Variants in RREB1 observed in about 807,000 individuals in gnomAD.
RREB1 encodes ras responsive element binding protein 1.
RREB1 carries 27 observed loss-of-function variants against 117.8 expected under a neutral mutation model. The observed-to-expected ratio is 0.23, with a 90% confidence interval of 0.17 to 0.32. The LOEUF is 0.32. Ranked by LOEUF, RREB1 falls within the 10% of genes least tolerant of loss-of-function variation. The pLI is 1.00. For synonymous variants in RREB1, 1,298 were observed against 1,026.7 expected (o/e 1.26, Z -5.05); for missense variants, 2,577 against 2,378.2 (o/e 1.08, Z -1.74).
chr6:7,126,242 C>T lies in RREB1; in HGVS notation c.-285+18182C>T, dbSNP rs570012379. ...GCCTTGAACTGCTGACCTCGTGATC[C>T]GCCCGCCTTGGCCTCCCAAAGTGCT... is the stretch of plus-strand genomic sequence containing the variant. On this transcript the variant is annotated intron_variant, in intron 1 of 12. Coordinates refer to ENST00000379938, the MANE Select transcript of RREB1 (RefSeq NM_001003699.4). 7.3e-5 allele frequency among the ~76,000 whole-genome samples: 11 copies of T among 151,586 alleles called. No homozygotes were observed. The South Asian group carries it at 8.3e-4, about 11-fold the overall frequency.
chr6:7,129,493 C>T (rs1762067370), intron 1 of RREB1, among the ~76,000 whole-genome samples: 2 of 152,214 alleles, frequency 1.3e-5, no homozygotes, highest in Admixed American at 6.5e-5. Flanking sequence ...TGGCTCACTT[C>T]ACTGTTTGCT....
chr6:7,109,609 C>T (rs1236564459), intron 1 of RREB1, among the ~76,000 whole-genome samples: 2 of 152,222 alleles, frequency 1.3e-5, no homozygotes, highest in East Asian at 1.9e-4. Context: ...GCCCCTCGGC[C>T]GCCGTGCATC....
At chr6:7,129,126 T>G (rs1247533280) in intron 1 of RREB1, among the ~76,000 whole-genome samples, 1 of 152,216 alleles carries the variant, frequency 6.6e-6, no homozygotes, top group African/African-American at 2.4e-5. Context: ...GGAATTCTTA[T>G]GCCATGTGGA....
At chr6:7,247,672 G>T (rs1230468450) in intron 12 of RREB1, among the ~76,000 whole-genome samples, 1 of 152,140 alleles carries the variant, frequency 6.6e-6, no homozygotes. Context: ...GGTCAGGAGG[G>T]CCTTTTCCTT....
intron 1 of RREB1, among the ~76,000 whole-genome samples, chr6:7,131,096 G>C (rs1330729682): frequency 6.6e-6 from 1 of 151,212 alleles, no homozygotes; most frequent in East Asian, 2.0e-4. Context: ...CCGCCACTGC[G>C]CCCGGCTAAT....
rs147592809 is a variant in RREB1 at position 7,123,408 on chromosome 6, C to T, written c.-285+15348C>T. 3.3e-3 allele frequency among the ~76,000 whole-genome samples: 506 copies of T among 152,118 alleles called. 6 individuals carry two copies. Among genetic ancestry groups the T allele is most frequent in the South Asian group, 0.011 (51 of 4,824 alleles). On this transcript the variant is annotated intron_variant, in intron 1 of 12. Transcript: ENST00000379938. ...AACTCCTGAGTTCAGGCAGTCCGCC[C>T]GTCTCAGCCTCCCGAAGTGCTAGGA...
intron 10 of RREB1, among the ~76,000 whole-genome samples, chr6:7,233,563 T>A (rs1481052132): frequency 2.0e-5 from 3 of 152,226 alleles, no homozygotes; most frequent in Non-Finnish European, 4.4e-5. Context: ...TATTTTTATG[T>A]AGTTCTTGGG....
intron 1 of RREB1, among the ~76,000 whole-genome samples, chr6:7,173,314 C>T (rs933128511): frequency 1.3e-5 from 2 of 151,822 alleles, no homozygotes; most frequent in African/African-American, 4.8e-5. Context: ...GTCAGGAGTT[C>T]GAGACCACCC....
At position 7,181,932 on chromosome 6, in the gene RREB1, T is replaced by C. The variant is rs1409485289; in HGVS notation, c.21T>C (p.Ala7=). The change falls in exon 4 of 13, where the codon GCT becomes GCC. Residue 7 remains alanine (A), a synonymous_variant. Transcript: ENST00000379938. The stretch of plus-strand genomic sequence containing the variant: ...TCCCAATGACGTCAAGTTCGCCCGC[T>C]GGCTTGGAAGGTTCAGACCTATCTT... MTSSSP[A]GLEGSDLSSI... 3.1e-6 allele frequency: 5 copies of C among 1,614,126 alleles called. No individual in the cohort carries two copies. The highest frequency in any genetic ancestry group is 4.2e-6 in the Non-Finnish European group (5 of 1,180,040).
At chr6:7,191,809 T>G (rs1765421569) in intron 6 of RREB1, among the ~76,000 whole-genome samples, 1 of 152,220 alleles carries the variant, frequency 6.6e-6, no homozygotes, top group African/African-American at 2.4e-5. Context: ...CCCTCCAACC[T>G]TACCTCATTT....
chr6:7,181,334 A>G (rs1764783792), intron 3 of RREB1, 88 bp downstream of exon 3: 2 of 400,250 alleles, frequency 5.0e-6, no homozygotes, highest in South Asian at 2.5e-4. Flanking sequence ...ACAGGCTTTG[A>G]TATGTCAATT....
chr6:7,184,690 T>G (rs571535875), intron 4 of RREB1: 1 of 152,058 alleles, frequency 6.6e-6, no homozygotes, highest in Non-Finnish European at 1.5e-5. Flanking sequence ...AGTTCATGAG[T>G]CACCCCAGAG....
chr6:7,200,173 T>C (rs1212772485), intron 6 of RREB1, among the ~76,000 whole-genome samples: 1 of 152,066 alleles, frequency 6.6e-6, no homozygotes, highest in Admixed American at 6.6e-5. Context: ...TCAGCACAGC[T>C]TATTTTATAT....
intron 1 of RREB1, among the ~76,000 whole-genome samples, chr6:7,170,703 A>G (rs1455684034): frequency 6.6e-6 from 1 of 152,066 alleles, no homozygotes; most frequent in Non-Finnish European, 1.5e-5. Context: ...CTCATTTATT[A>G]TTATTTTTTA....
At chr6:7,133,662 T>A (rs1762241262) in intron 1 of RREB1, among the ~76,000 whole-genome samples, 1 of 152,188 alleles carries the variant, frequency 6.6e-6, no homozygotes, top group Non-Finnish European at 1.5e-5. Flanking sequence ...TAAATAGTCC[T>A]AAGGATTAAA....
intron 11 of RREB1, among the ~76,000 whole-genome samples, chr6:7,244,606 A>G (rs1326023482): frequency 5.3e-5 from 8 of 152,200 alleles, no homozygotes; most frequent in African/African-American, 1.9e-4. Context: ...GCTTTTGGAT[A>G]ATTTTGCAAA....
chr6:7,236,388 C>T (rs1045290508), intron 10 of RREB1, among the ~76,000 whole-genome samples: 19 of 152,316 alleles, frequency 1.2e-4, no homozygotes, highest in African/African-American at 4.3e-4. Flanking sequence ...CTCCCTGCTT[C>T]TATCTGGCAG....
chr6:7,203,160 C>T (rs1200210330), intron 6 of RREB1, among the ~76,000 whole-genome samples: 2 of 152,062 alleles, frequency 1.3e-5, no homozygotes, highest in Admixed American at 6.6e-5. Flanking sequence ...CACCTCTCTA[C>T]CCCCTACTGG....
chr6:7,155,202 A>G (rs959370032), intron 1 of RREB1, among the ~76,000 whole-genome samples: 3 of 152,154 alleles, frequency 2.0e-5, no homozygotes, highest in Admixed American at 2.0e-4. Flanking sequence ...GTCTTTTTCC[A>G]TCATCCATCT....
Sources: gnomAD v4.1 joint callset for allele counts (sites outside exome capture counted in the v4.1 genomes callset) on GRCh38, gnomAD v4.1.1 for gene constraint, MANE v1.5 for transcripts, NCBI Gene and HGNC (gene_info 2026-07-23, HGNC 2026-07-21) for gene names.